ELP3: variants seen among roughly 807,000 people sequenced by gnomAD.
ELP3 encodes the protein elongator complex protein 3.
ELP3 carries 56 observed loss-of-function variants against 74.9 expected under a neutral mutation model. That is an observed-to-expected ratio of 0.75 (90% confidence interval 0.60 to 0.93). The LOEUF is 0.93. ELP3 is among the 40% of genes least tolerant of loss of function. The pLI is 0.00. For synonymous variants in ELP3, 222 were observed against 239.8 expected, an observed-to-expected ratio of 0.93 and a Z score of 0.68; for missense variants, 573 against 686.5, an observed-to-expected ratio of 0.83 and a Z score of 1.85.
chr8:28,164,666 A>G (rs573076928), intron 14 of ELP3, among the ~76,000 whole-genome samples: 1 of 152,294 alleles, frequency 6.6e-6, no homozygotes, highest in African/African-American at 2.4e-5. Context: ...AAATGAAAGA[A>G]CAAGAACATT....
intron 9 of ELP3, among the ~76,000 whole-genome samples, chr8:28,137,487 G>T (rs553312482): frequency 2.0e-5 from 3 of 152,292 alleles, no homozygotes; most frequent in South Asian, 2.1e-4. Flanking sequence ...AATGGTGAGG[G>T]CCTAGTGCAG....
At chr8:28,102,953 T>C (rs1811549360) in intron 3 of ELP3, among the ~76,000 whole-genome samples, 1 of 152,208 alleles carries the variant, frequency 6.6e-6, no homozygotes, top group South Asian at 2.1e-4. Context: ...GCAGATCAGC[T>C]GAAGCCAGGA....
chr8:28,129,067 T>C lies in ELP3; in HGVS notation c.618-435T>C, dbSNP rs866211737. Among the ~76,000 whole-genome samples the C allele has an allele frequency of 1.8e-4, 28 of 152,102 alleles. 1 individual carries two copies. Among genetic ancestry groups the C allele is most frequent in the African/African-American group, 6.3e-4 (26 of 41,406 alleles). On this transcript the variant is annotated intron_variant, in intron 7 of 14. Coordinates refer to ENST00000256398, the MANE Select transcript of ELP3 (RefSeq NM_018091.6). ...CCTTTTTTTTCTTTCATTTAAAATATAGAGTGGGAAATAAATAATGTAGAT... is the reference window on the plus strand; with the variant it reads ...CCTTTTTTTTCTTTCATTTAAAATACAGAGTGGGAAATAAATAATGTAGAT...
intron 9 of ELP3, among the ~76,000 whole-genome samples, chr8:28,135,022 G>A (rs909551502): frequency 2.0e-5 from 3 of 151,720 alleles, no homozygotes; most frequent in East Asian, 1.9e-4. Context: ...TCTGCCTCCC[G>A]GGTTCAAGCA....
chr8:28,100,334 G>C (rs1811426149), intron 3 of ELP3, among the ~76,000 whole-genome samples: 1 of 152,182 alleles, frequency 6.6e-6, no homozygotes, highest in South Asian at 2.1e-4. Flanking sequence ...TCTGTATATG[G>C]TGATTATGAG....
In ELP3 at chr8:28,147,824, C is replaced by G. The variant is rs150018162; in HGVS notation, c.1101-8118C>G. Among the ~76,000 whole-genome samples the G allele has an allele frequency of 6.5e-3, 988 of 152,176 alleles. 9 individuals carry two copies. The highest frequency in any genetic ancestry group is 0.02 in the Middle Eastern group (6 of 294). ...TTTCCAGGGCTGGGCAGCAAACATACAGGATGAACACAGAACATCTTGTCT... is the reference window on the plus strand; with the variant it reads ...TTTCCAGGGCTGGGCAGCAAACATAGAGGATGAACACAGAACATCTTGTCT... On this transcript the variant is annotated intron_variant, in intron 10 of 14. Coordinates refer to ENST00000256398, the MANE Select transcript of ELP3 (RefSeq NM_018091.6). The surrounding 1 kb of genome is among the most constrained non-coding windows in gnomAD (Gnocchi z 4.5).
At position 28,189,874 on chromosome 8, in the gene ELP3, A is replaced by C. The variant is rs991848040; in HGVS notation, c.*149A>C. 9 of 792,178 alleles carry C rather than the reference A, an allele frequency of 1.1e-5. No individual in the cohort carries two copies. Among genetic ancestry groups the C allele is most frequent in the Non-Finnish European group, 1.8e-5 (9 of 498,542 alleles). 49.1% of individuals were successfully genotyped at this position (792,178 alleles called of 1,614,324 possible). ...CTGCAGAGACTGGAAACTGCCTTCA[A>C]GGCCACGGCTGGTCATCTGCTGACC... is the stretch of plus-strand genomic sequence containing the variant. On this transcript the variant is annotated 3_prime_UTR_variant, in exon 15 of 15. Coordinates refer to ENST00000256398, the MANE Select transcript of ELP3 (RefSeq NM_018091.6).
chr8:28,183,195 G>A (rs59148819), intron 14 of ELP3: 57,286 of 460,342 alleles, frequency 0.12, 4,062 homozygotes, highest in East Asian at 0.18. Context: ...TCCCCAAAGG[G>A]GTGGATGTCC....
chr8:28,104,920 A>G (rs1811628277), intron 3 of ELP3, among the ~76,000 whole-genome samples: 1 of 152,252 alleles, frequency 6.6e-6, no homozygotes, highest in South Asian at 2.1e-4. Context: ...ATTTGTGTGA[A>G]GGAATTAATG....
intron 10 of ELP3, among the ~76,000 whole-genome samples, chr8:28,140,445 T>TA (rs1481073116): frequency 6.6e-6 from 1 of 152,182 alleles, no homozygotes; most frequent in African/African-American, 2.4e-5. Flanking sequence ...TTCAGAAACA[T>TA]AATATTTGCA....
chr8:28,112,894 G>T, intron 6 of ELP3, 125 bp from the exon 7 acceptor site: 6 of 826,066 alleles, frequency 7.3e-6, no homozygotes, highest in Non-Finnish European at 1.0e-5. Flanking sequence ...AGCTAAGTGT[G>T]TTTCATTACT....
At chr8:28,099,104 C>A (rs1811369339) in intron 2 of ELP3, among the ~76,000 whole-genome samples, 1 of 152,208 alleles carries the variant, frequency 6.6e-6, no homozygotes, top group African/African-American at 2.4e-5. Flanking sequence ...TATTTGTTGA[C>A]AAATATGTGA....
chr8:28,110,770 C>A (rs1811886650), intron 6 of ELP3: 1 of 232,228 alleles, frequency 4.3e-6, no homozygotes, highest in Non-Finnish European at 8.3e-6. Context: ...CTTTTAATTT[C>A]CAAAAGTCAG....
At chr8:28,128,261 G>T (rs748628657) in intron 7 of ELP3, among the ~76,000 whole-genome samples, 3 of 152,074 alleles carry the variant, frequency 2.0e-5, no homozygotes, top group Non-Finnish European at 2.9e-5. Context: ...ATCATTTGAG[G>T]TCAGGAGTTC....
At position 28,148,704 on chromosome 8, in the gene ELP3, CT is replaced by C. The variant is rs1241539953; in HGVS notation, c.1101-7235del. On this transcript the variant is annotated intron_variant, in intron 10 of 14. Coordinates refer to ENST00000256398, the MANE Select transcript of ELP3 (RefSeq NM_018091.6). ...TCGACTAATATTGTGAGATTTTCTA[CT>C]TTAGCTCATTGTTTTGATAAATTAT... Among the ~76,000 whole-genome samples the C allele has an allele frequency of 5.3e-5, 8 of 152,272 alleles. No individual in the cohort carries two copies. The East Asian group carries it at 1.2e-3, about 22-fold the overall frequency.
intron 14 of ELP3, among the ~76,000 whole-genome samples, chr8:28,172,134 T>C (rs984036458): frequency 3.3e-5 from 5 of 151,998 alleles, no homozygotes; most frequent in African/African-American, 4.8e-5. Context: ...CGATCCCGGG[T>C]TCCTTCAAAT....
At chr8:28,182,608 C>T (rs568771905) in intron 14 of ELP3, among the ~76,000 whole-genome samples, 1 of 152,262 alleles carries the variant, frequency 6.6e-6, no homozygotes, top group African/African-American at 2.4e-5. Context: ...CCACCCACCC[C>T]CCCTTTTTTT....
chr8:28,107,838 A>G (rs1455557346), intron 4 of ELP3, 75 bp from the exon 5 acceptor site: 3 of 1,125,998 alleles, frequency 2.7e-6, no homozygotes, highest in Non-Finnish European at 2.7e-6. Flanking sequence ...TTCTTTGGAG[A>G]TGGTAGATGC....
At position 28,161,977 on chromosome 8, in the gene ELP3, C is replaced by T. The variant is rs767098427; in HGVS notation, c.1486-20C>T. On this transcript the variant is annotated intron_variant, in intron 13 of 14. Transcript: ENST00000256398. ...CTTCCTTCCTTTTTAATTCCCACTC[C>T]CCATTGTTGCTCCGTGCAGGGATTT... The T allele has an allele frequency of 2.5e-6, 4 of 1,613,138 alleles. No individual in the cohort carries two copies. The South Asian group carries it at 4.4e-5, about 18-fold the overall frequency.
Sources: allele counts gnomAD v4.1 joint callset (sites outside exome capture counted in the v4.1 genomes callset), GRCh38; gene constraint gnomAD v4.1.1; non-coding constraint Gnocchi (gnomAD v3.1); transcripts MANE v1.5; gene names NCBI Gene and HGNC (gene_info 2026-07-23, HGNC 2026-07-21).